The following LIMS1 variants were observed in gnomAD, a reference collection of about 807,000 sequenced individuals.
LIMS1 encodes the protein LIM zinc finger domain containing 1, also known as LIM and senescent cell antigen-like-containing domain protein 1.
In LIMS1, 18 loss-of-function variants were observed where a neutral mutation model predicts 44.1. The ratio of observed to expected loss-of-function variants is 0.41; its 90% CI spans 0.28 to 0.61. The LOEUF (loss-of-function observed/expected upper bound fraction) is 0.61, where lower values mean the gene tolerates loss of function less well. Among genes scored for constraint, LIMS1 ranks in the 20% least tolerant of loss-of-function variants. The probability of loss-of-function intolerance (pLI) is 0.32; values close to 1 mark genes in which losing one functional copy is unlikely to be tolerated. For synonymous variants in LIMS1, 93 were observed against 149.1 expected (o/e 0.62, Z 2.74); for missense variants, 201 against 422.0 (o/e 0.48, Z 4.59).
At chr2:108,614,341 C>T (rs1687820076) in intron 1 of LIMS1, among the ~76,000 whole-genome samples, 1 of 152,138 alleles carries the variant, frequency 6.6e-6, no homozygotes, top group Non-Finnish European at 1.5e-5. Flanking sequence ...CCAGAGATGT[C>T]CTGGTAGACA....
intron 1 of LIMS1, among the ~76,000 whole-genome samples, chr2:108,621,059 A>G (rs1172151375): frequency 6.6e-6 from 1 of 152,210 alleles, no homozygotes; most frequent in Non-Finnish European, 1.5e-5. Context: ...GTGATTATTC[A>G]TAACAATTAA....
chr2:108,623,184 C>T (rs560366946), intron 1 of LIMS1, among the ~76,000 whole-genome samples: 2 of 151,318 alleles, frequency 1.3e-5, no homozygotes, highest in African/African-American at 4.9e-5. Flanking sequence ...ATAGGTTAGC[C>T]AAGAAAGGTA....
chr2:108,565,437 A>G (rs1179034679), intron 1 of LIMS1, among the ~76,000 whole-genome samples: 1 of 152,246 alleles, frequency 6.6e-6, no homozygotes, highest in Non-Finnish European at 1.5e-5. Context: ...CTTAAACTGC[A>G]TTATGAATTA....
At chr2:108,581,942 A>G (rs1423622368) in intron 1 of LIMS1, among the ~76,000 whole-genome samples, 2 of 152,058 alleles carry the variant, frequency 1.3e-5, no homozygotes, top group Non-Finnish European at 2.9e-5. Context: ...CATCTCAAAA[A>G]AAAAAAAAAC....
chr2:108,566,055 G>A (rs1350905918), intron 1 of LIMS1, among the ~76,000 whole-genome samples: 1 of 152,156 alleles, frequency 6.6e-6, no homozygotes, highest in Non-Finnish European at 1.5e-5. Context: ...GTGTTTTGCT[G>A]TCAGTTTCAT....
intron 1 of LIMS1, among the ~76,000 whole-genome samples, chr2:108,546,483 C>G (rs1684486670): frequency 6.6e-6 from 1 of 151,888 alleles, no homozygotes; most frequent in Non-Finnish European, 1.5e-5. Flanking sequence ...TGCTCTTGTA[C>G]TATGAGCCCC....
At chr2:108,628,460 GATAA>G (rs888661769) in intron 1 of LIMS1, among the ~76,000 whole-genome samples, 3 of 152,158 alleles carry the variant, frequency 2.0e-5, no homozygotes, top group African/African-American at 7.2e-5. Context: ...TTTGTGAATC[GATAA>G]ATGAATGAAA....
At chr2:108,539,026 T>TAGAAC (rs1684230272) in intron 1 of LIMS1, among the ~76,000 whole-genome samples, 1 of 152,212 alleles carries the variant, frequency 6.6e-6, no homozygotes, top group Admixed American at 6.5e-5. Context: ...CTAGTGGTTA[T>TAGAAC]TTGGGTTCTA....
At chr2:108,604,877 GGATTGATGGGTCAGGGATTA>G (rs1687192910) in intron 1 of LIMS1, among the ~76,000 whole-genome samples, 1 of 152,204 alleles carries the variant, frequency 6.6e-6, no homozygotes, top group African/African-American at 2.4e-5. Context: ...CCTGCAGGAA[GGATTGATGGGTCAGGGATTA>G]ATGCCACATA....
At chr2:108,537,496 T>G (rs1684182109) in intron 1 of LIMS1, among the ~76,000 whole-genome samples, 1 of 152,224 alleles carries the variant, frequency 6.6e-6, no homozygotes, top group African/African-American at 2.4e-5. Context: ...GGATTTTCCC[T>G]GATAAGAAAA....
At chr2:108,626,801 T>C (rs1233771747) in intron 1 of LIMS1, among the ~76,000 whole-genome samples, 2 of 152,244 alleles carry the variant, frequency 1.3e-5, no homozygotes, top group African/African-American at 4.8e-5. Flanking sequence ...AGAGTATAGA[T>C]CATGATTATT....
At chr2:108,561,101 G>A (rs933747186) in intron 1 of LIMS1, among the ~76,000 whole-genome samples, 2 of 152,232 alleles carry the variant, frequency 1.3e-5, no homozygotes, top group African/African-American at 4.8e-5. Flanking sequence ...CACCAGTACA[G>A]ACCTTACTCT....
chr2:108,685,730 G>A (rs1414525105), exon 10 of LIMS1: 1 of 152,122 alleles, frequency 6.6e-6, no homozygotes, highest in Non-Finnish European at 1.5e-5. Context: ...AGTCCCTTCA[G>A]TGTGCCTTTG....
At position 108,670,780 on chromosome 2, in the gene LIMS1, G is replaced by A; in HGVS notation, c.193-1G>A. On this transcript the variant is annotated splice_acceptor_variant, in intron 2 of 9. Transcript: ENST00000544547. LOFTEE classifies it high-confidence loss of function. ...TAAGTTGGTGGTACCCTCTCTTTCA[G>A]TTTGAAGGAAGAAAGTACTGTGAAC... 6.2e-7 allele frequency: 1 copy of A among 1,611,838 alleles called. No homozygotes were observed. Among genetic ancestry groups the A allele is most frequent in the Non-Finnish European group, 8.5e-7 (1 of 1,179,814 alleles).
chr2:108,587,567 C>T (rs368062948), intron 1 of LIMS1, among the ~76,000 whole-genome samples: 1 of 151,988 alleles, frequency 6.6e-6, no homozygotes, highest in East Asian at 1.9e-4. Context: ...ATGCAGTTAT[C>T]CTAAAAATGA....
At chr2:108,680,125 C>G (rs561844417) in intron 8 of LIMS1, among the ~76,000 whole-genome samples, 2 of 152,006 alleles carry the variant, frequency 1.3e-5, no homozygotes. Context: ...AATCCCAGCA[C>G]TCTGGGAGGC....
chr2:108,578,637 AGGCTAGAATGCAGT>A lies in LIMS1; in HGVS notation c.32+44047_32+44060del, dbSNP rs1337019144. On this transcript the variant is annotated intron_variant, in intron 1 of 9. Coordinates refer to ENST00000544547, the Ensembl canonical transcript of LIMS1. ...GAGACGGAGTCTCTCACTGTGGCCCAGGCTAGAATGCAGTGGCACGATCTCAGCTCACTGCAAGC... is the reference window on the plus strand; with the variant it reads ...GAGACGGAGTCTCTCACTGTGGCCCAGGCACGATCTCAGCTCACTGCAAGC... Among the ~76,000 whole-genome samples the A allele has an allele frequency of 9.9e-5, 12 of 120,798 alleles. No homozygotes were observed. The Admixed American group carries it at 1.5e-3, about 15-fold the overall frequency. 79.2% of individuals were successfully genotyped at this position (120,798 alleles called of 152,430 possible). A position where few individuals can be genotyped will look rare whatever the true frequency, so the allele number is the denominator to read the frequency against.
At chr2:108,537,825 C>A (rs1043531259) in intron 1 of LIMS1, among the ~76,000 whole-genome samples, 4 of 152,286 alleles carry the variant, frequency 2.6e-5, no homozygotes, top group Non-Finnish European at 5.9e-5. Context: ...GTAGGCTTTC[C>A]TTTCCTCCTA....
At chr2:108,577,287 C>T (rs755462311) in intron 1 of LIMS1, among the ~76,000 whole-genome samples, 24 of 152,264 alleles carry the variant, frequency 1.6e-4, no homozygotes, top group Non-Finnish European at 3.1e-4. Flanking sequence ...AATACAGACT[C>T]ACTTCCGTGA....
Sources: allele counts gnomAD v4.1 joint callset (sites outside exome capture counted in the v4.1 genomes callset), GRCh38; gene constraint gnomAD v4.1.1; transcripts MANE v1.5; gene names NCBI Gene and HGNC (gene_info 2026-07-23, HGNC 2026-07-21).